The following PI4KA variants were observed in gnomAD, a reference collection of about 807,000 sequenced individuals.
PI4KA encodes the protein PI4-kinase alpha.
Under a neutral mutation model 271.4 loss-of-function variants are expected in PI4KA, and 122 were observed. The ratio of observed to expected loss-of-function variants is 0.45; its 90% confidence interval spans 0.39 to 0.52. The LOEUF (loss-of-function observed/expected upper bound fraction) is 0.52, where lower values mean the gene tolerates loss of function less well. PI4KA is among the 20% of genes least tolerant of loss of function. The pLI, the probability that PI4KA is intolerant of heterozygous loss-of-function variation, is 0.00. For missense variants in PI4KA, 1,969 were observed against 2,769.1 expected, an observed-to-expected ratio of 0.71 and a Z score of 6.48; for synonymous variants, 1,041 against 1,078.8, an observed-to-expected ratio of 0.96 and a Z score of 0.69.
chr22:20,803,743 G>C (rs1935481673), intron 12 of PI4KA, among the ~76,000 whole-genome samples: 1 of 151,990 alleles, frequency 6.6e-6, no homozygotes, highest in Admixed American at 6.6e-5. Flanking sequence ...TGTTGCCCAG[G>C]TTGGGCTCAA....
chr22:20,828,741 G>A (rs1350931140), intron 3 of PI4KA, among the ~76,000 whole-genome samples: 1 of 152,016 alleles, frequency 6.6e-6, no homozygotes, highest in Non-Finnish European at 1.5e-5. Context: ...TTTCAGGAGA[G>A]ACAGGATTTC....
Position 20,747,624 on chromosome 22 carries a change from G to C in PI4KA, c.3322C>G (p.Leu1108Val). ...TGCTTGTTGTAGCCAGCAAAGTGAAGGATGCTCTCAGTGGCCATGGCCAGC... is the reference window on the plus strand; with the variant it reads ...TGCTTGTTGTAGCCAGCAAAGTGAACGATGCTCTCAGTGGCCATGGCCAGC... ...TGLAMATESI[L>V]HFAGYNKQNT... is the part of the protein sequence containing the mutation. The change falls in exon 29 of 55, where the codon CTT becomes GTT. Residue 1108 changes from leucine (L) to valine (V), a missense_variant. Transcript: ENST00000255882. 6.2e-7 allele frequency: 1 copy of C among 1,614,142 alleles called. No homozygotes were observed. Among genetic ancestry groups the C allele is most frequent in the Non-Finnish European group, 8.5e-7 (1 of 1,180,006 alleles).
chr22:20,769,151 A>T (rs927248687), intron 19 of PI4KA, among the ~76,000 whole-genome samples: 1 of 152,216 alleles, frequency 6.6e-6, no homozygotes, highest in African/African-American at 2.4e-5. Flanking sequence ...GTGGCTGGGA[A>T]GTTCAAAGTG....
chr22:20,775,288 G>C (rs1421302109), intron 19 of PI4KA, among the ~76,000 whole-genome samples: 2 of 152,108 alleles, frequency 1.3e-5, no homozygotes, highest in African/African-American at 2.4e-5. Flanking sequence ...ACAACCTAGT[G>C]ATAGTTTTTA....
chr22:20,819,653 G>A lies in PI4KA; in HGVS notation c.777C>T (p.Ser259=). 6.2e-7 allele frequency: 1 copy of A among 1,613,896 alleles called. No individual in the cohort carries two copies. Among genetic ancestry groups the A allele is most frequent in the Non-Finnish European group, 8.5e-7 (1 of 1,179,920 alleles). ...AGCCCAGGCCCACCTGAGAGATGCT[G>A]GACACACTGCTGGTTTTCCTCTTCA... ...GTLKRKTSSV[S]SISQVSPERG... The change falls in exon 6 of 55, where the codon TCC becomes TCT. Residue 259 remains serine, a synonymous_variant. Transcript: ENST00000255882.
chr22:20,787,274 A>G (rs1290569315), intron 19 of PI4KA: 4 of 602,190 alleles, frequency 6.6e-6, no homozygotes, highest in Non-Finnish European at 8.9e-6. Flanking sequence ...GTAAGCTCAT[A>G]GAAGTCACTG....
intron 19 of PI4KA, chr22:20,785,937 G>GA: frequency 6.3e-7 from 1 of 1,596,852 alleles, no homozygotes. Flanking sequence ...CCTTTAAAGG[G>GA]AAAATCATGA....
intron 43 of PI4KA, among the ~76,000 whole-genome samples, chr22:20,720,520 C>T (rs954429532): frequency 4.6e-5 from 7 of 152,174 alleles, no homozygotes; most frequent in African/African-American, 1.7e-4. Flanking sequence ...CCACTGCATT[C>T]CTGCCTGGGA....
intron 52 of PI4KA, 38 bp downstream of exon 52, chr22:20,710,661 C>T: frequency 6.2e-7 from 1 of 1,608,986 alleles, no homozygotes; most frequent in Non-Finnish European, 8.5e-7. Flanking sequence ...GTTCCACACA[C>T]CCCCTCCGCC....
chr22:20,858,672 G>GCCGCCGCCGCCTCCGCCTCCGCCT lies in PI4KA; in HGVS notation c.30_53dup (p.Gly11_Gly18dup). 1.4e-6 allele frequency: 2 copies of GCCGCCGCCGCCTCCGCCTCCGCCT among 1,468,994 alleles called. No homozygotes were observed. Among genetic ancestry groups the GCCGCCGCCGCCTCCGCCTCCGCCT allele is most frequent in the Admixed American group, 2.3e-5 (1 of 43,274 alleles). 91.0% of individuals were successfully genotyped at this position (1,468,994 alleles called of 1,614,324 possible). A position where few individuals can be genotyped will look rare whatever the true frequency, so the allele number is the denominator to read the frequency against. On this transcript the variant is annotated inframe_insertion, in exon 1 of 55. Transcript: ENST00000255882. ...AGGCGCTGGAGCCGGAGCCGGAGCA[G>GCCGCCGCCGCCTCCGCCTCCGCCT]CCGCCGCCGCCTCCGCCTCCGCCTC...
intron 7 of PI4KA, among the ~76,000 whole-genome samples, chr22:20,816,875 T>A (rs1011322735): frequency 6.6e-6 from 1 of 152,242 alleles, no homozygotes; most frequent in Non-Finnish European, 1.5e-5. Context: ...GGGGCAGCGG[T>A]CATGGAGAGG....
intron 1 of PI4KA, among the ~76,000 whole-genome samples, chr22:20,847,966 A>G (rs936962413): frequency 2.6e-5 from 4 of 152,204 alleles, no homozygotes; most frequent in African/African-American, 9.6e-5. Context: ...GGCCGAGCAC[A>G]GTGGCTCACG....
intron 3 of PI4KA, among the ~76,000 whole-genome samples, chr22:20,826,107 C>G (rs1183471209): frequency 1.3e-5 from 2 of 152,178 alleles, no homozygotes; most frequent in Non-Finnish European, 2.9e-5. Context: ...CTTTGGGAGG[C>G]TGAGGCAGGC....
intron 23 of PI4KA, among the ~76,000 whole-genome samples, chr22:20,759,427 A>G (rs1239792215): frequency 9.9e-6 from 1 of 100,796 alleles, no homozygotes; most frequent in Non-Finnish European, 1.9e-5. Flanking sequence ...TTTTTTTGAG[A>G]CAGAGTCTCT....
intron 2 of PI4KA, 77 bp downstream of exon 2, chr22:20,838,537 AT>A (rs1925162891): frequency 1.2e-5 from 10 of 810,692 alleles, no homozygotes; most frequent in Non-Finnish European, 2.1e-5. Context: ...CTTTAGGTAA[AT>A]ATAAGCAGAT....
intron 19 of PI4KA, among the ~76,000 whole-genome samples, chr22:20,789,241 G>A (rs1934474344): frequency 6.6e-6 from 1 of 152,198 alleles, no homozygotes; most frequent in Admixed American, 6.5e-5. Flanking sequence ...CTGTAAAATG[G>A]GGAGACCAGC....
At chr22:20,825,457 T>C (rs970431851) in intron 3 of PI4KA, among the ~76,000 whole-genome samples, 6 of 152,080 alleles carry the variant, frequency 3.9e-5, no homozygotes, top group Admixed American at 2.0e-4. Flanking sequence ...TAGCCAGGCA[T>C]GGTGATGCAT....
chr22:20,729,188 C>A (rs149817291), intron 39 of PI4KA, 125 bp downstream of exon 39: 30 of 778,418 alleles, frequency 3.9e-5, no homozygotes, highest in Non-Finnish European at 5.5e-5. Context: ...GAGGACTAGA[C>A]TACTTCCTGA....
intron 29 of PI4KA, among the ~76,000 whole-genome samples, chr22:20,746,061 AT>A (rs58307079): frequency 0.64 from 45,923 of 71,238 alleles, 14,371 homozygotes; most frequent in East Asian, 0.73. Flanking sequence ...AAAAAAAAGA[AT>A]TTTTTTTTTT....
Sources: allele counts gnomAD v4.1 joint callset (sites outside exome capture counted in the v4.1 genomes callset), GRCh38; gene constraint gnomAD v4.1.1; transcripts MANE v1.5; gene names NCBI Gene and HGNC (gene_info 2026-07-23, HGNC 2026-07-21).